The following FAM13A variants were observed in gnomAD, a reference collection of about 807,000 sequenced individuals.
FAM13A encodes the protein protein FAM13A.
Under a neutral mutation model 129.6 loss-of-function variants are expected in FAM13A, and 76 were observed. The ratio of observed to expected loss-of-function variants is 0.59; its 90% CI spans 0.49 to 0.71. The LOEUF is 0.71. FAM13A is among the 30% of genes least tolerant of loss of function. The pLI is 0.00. For synonymous variants in FAM13A, 443 were observed against 449.9 expected (o/e 0.98, Z 0.20); for missense variants, 1,108 against 1,249.3 (o/e 0.89, Z 1.70).
chr4:88,815,364 T>A (rs757730185), intron 7 of FAM13A, among the ~76,000 whole-genome samples: 20 of 152,326 alleles, frequency 1.3e-4, no homozygotes, highest in Middle Eastern at 3.4e-3. Context: ...TCTTTTCTCA[T>A]GCAAAAACTA....
intron 15 of FAM13A, 75 bp from the exon 16 acceptor site, chr4:88,749,984 G>T: frequency 6.5e-7 from 1 of 1,530,336 alleles, no homozygotes; most frequent in Non-Finnish European, 8.9e-7. Flanking sequence ...GGGGAAGTGG[G>T]ACACCATGTG....
At chr4:88,942,944 G>A (rs1186960058) in intron 4 of FAM13A, among the ~76,000 whole-genome samples, 1 of 152,118 alleles carries the variant, frequency 6.6e-6, no homozygotes, top group Non-Finnish European at 1.5e-5. Context: ...ACTGGCCTAG[G>A]AAACAAATAA....
intron 1 of FAM13A, among the ~76,000 whole-genome samples, chr4:89,030,064 AG>A (rs1768487415): frequency 6.6e-6 from 1 of 152,040 alleles, no homozygotes; most frequent in South Asian, 2.1e-4. Context: ...ATTTTAAGGT[AG>A]CTTTAATTTA....
chr4:88,907,118 C>T (rs1561302919), intron 5 of FAM13A, among the ~76,000 whole-genome samples: 1 of 152,154 alleles, frequency 6.6e-6, no homozygotes, highest in African/African-American at 2.4e-5. Context: ...ACAGAAATGA[C>T]AGTAATCTTG....
chr4:88,966,033 T>C (rs149390082), intron 4 of FAM13A, among the ~76,000 whole-genome samples: 12 of 152,342 alleles, frequency 7.9e-5, no homozygotes, highest in Non-Finnish European at 1.6e-4. Context: ...AAATCTCTCT[T>C]TGAGACCCTT....
chr4:88,990,400 G>C (rs1432611613), intron 4 of FAM13A: 1 of 152,154 alleles, frequency 6.6e-6, no homozygotes. Flanking sequence ...AAAGTCCCTG[G>C]ATTGCAGGAT....
intron 4 of FAM13A, among the ~76,000 whole-genome samples, chr4:88,977,397 G>C (rs952078185): frequency 1.3e-5 from 2 of 152,070 alleles, no homozygotes; most frequent in Admixed American, 1.3e-4. Flanking sequence ...TTCCAGAGAA[G>C]AGTTCACATA....
At chr4:88,860,982 A>G (rs956033550) in intron 6 of FAM13A, among the ~76,000 whole-genome samples, 4 of 152,146 alleles carry the variant, frequency 2.6e-5, no homozygotes, top group Non-Finnish European at 4.4e-5. Flanking sequence ...CAACATATTC[A>G]TTTATAGGGA....
At chr4:88,754,948 C>A (rs1256133784) in intron 14 of FAM13A, among the ~76,000 whole-genome samples, 4 of 152,146 alleles carry the variant, frequency 2.6e-5, no homozygotes, top group Non-Finnish European at 5.9e-5. Flanking sequence ...ATCCATTTAT[C>A]TACACATTTA....
chr4:89,024,041 T>A (rs1384734162), intron 2 of FAM13A, among the ~76,000 whole-genome samples: 1 of 152,184 alleles, frequency 6.6e-6, no homozygotes, highest in Non-Finnish European at 1.5e-5. Context: ...AAACAGCAAC[T>A]TAATAGTGGT....
intron 6 of FAM13A, among the ~76,000 whole-genome samples, chr4:88,901,297 T>TA (rs1747260410): frequency 6.6e-6 from 1 of 152,158 alleles, no homozygotes; most frequent in Admixed American, 6.5e-5. Flanking sequence ...GCAGACCTGA[T>TA]AGATACCTAC....
At chr4:88,846,134 T>C (rs1472277702) in intron 7 of FAM13A, among the ~76,000 whole-genome samples, 3 of 152,232 alleles carry the variant, frequency 2.0e-5, no homozygotes, top group South Asian at 2.1e-4. Flanking sequence ...AGCTTATCTA[T>C]AGTACCTTGA....
chr4:88,950,825 C>T (rs1183963031), intron 4 of FAM13A, among the ~76,000 whole-genome samples: 5 of 152,238 alleles, frequency 3.3e-5, no homozygotes, highest in Middle Eastern at 6.8e-3. Context: ...TTAACAGTGA[C>T]GGGTCAATAA....
chr4:88,886,009 A>AT (rs975745059), intron 6 of FAM13A, among the ~76,000 whole-genome samples: 9 of 151,860 alleles, frequency 5.9e-5, no homozygotes, highest in Non-Finnish European at 1.3e-4. Context: ...AAAAATAAAA[A>AT]AAAAAAATAG....
chr4:88,788,791 T>C (rs1316777977), intron 9 of FAM13A, among the ~76,000 whole-genome samples: 1 of 152,178 alleles, frequency 6.6e-6, no homozygotes, highest in Non-Finnish European at 1.5e-5. Flanking sequence ...ACTATATATA[T>C]ATGTTCTAAA....
In FAM13A at chr4:88,814,012, TA is replaced by T. The variant is rs372451717; in HGVS notation, c.1008-8961del. 1.6e-3 allele frequency among the ~76,000 whole-genome samples: 237 copies of T among 152,188 alleles called. 1 individual carries two copies. Among genetic ancestry groups the T allele is most frequent in the Middle Eastern group, 6.8e-3 (2 of 294 alleles). On this transcript the variant is annotated intron_variant, in intron 7 of 23. Transcript: ENST00000264344. ...ATGGAAACCTGAAATTTGATTATTA[TA>T]AAAAAAGGATACATAACTACCATTG...
At chr4:88,953,386 C>T (rs139332649) in intron 4 of FAM13A, among the ~76,000 whole-genome samples, 20,583 of 152,042 alleles carry the variant, frequency 0.14, 1,536 homozygotes, top group Non-Finnish European at 0.16. Context: ...ACCCAGAAGG[C>T]GGAGGTTGCA....
At chr4:88,759,671 C>T (rs765351309) in intron 13 of FAM13A, among the ~76,000 whole-genome samples, 2 of 151,954 alleles carry the variant, frequency 1.3e-5, no homozygotes, top group Non-Finnish European at 2.9e-5. Flanking sequence ...CTTACAAATA[C>T]GCAACTGTCA....
intron 16 of FAM13A, 59 bp from the exon 17 acceptor site, chr4:88,749,092 G>T: frequency 8.1e-7 from 1 of 1,236,138 alleles, no homozygotes; most frequent in Non-Finnish European, 1.2e-6. Context: ...AGTAAGAAGT[G>T]TTTGATGATC....
Sources: allele counts gnomAD v4.1 joint callset (sites outside exome capture counted in the v4.1 genomes callset), GRCh38; gene constraint gnomAD v4.1.1; transcripts MANE v1.5; gene names NCBI Gene and HGNC (gene_info 2026-07-23, HGNC 2026-07-21).